CCND3: variants seen among roughly 807,000 people sequenced by gnomAD.
The protein encoded by CCND3 is cyclin D3, also known as G1/S-specific cyclin-D3.
In CCND3, 9 loss-of-function variants were observed where a neutral mutation model predicts 28.7. The ratio of observed to expected loss-of-function variants is 0.31; its 90% CI spans 0.19 to 0.55. The LOEUF (loss-of-function observed/expected upper bound fraction) is 0.55. Ranked by LOEUF, CCND3 falls within the 20% of genes least tolerant of loss-of-function variation. CCND3 has a pLI of 0.93. For synonymous variants in CCND3, 164 were observed against 163.9 expected, an observed-to-expected ratio of 1.00 and a Z score of 0.00; for missense variants, 315 against 385.8, an observed-to-expected ratio of 0.82 and a Z score of 1.54.
chr6:41,997,623 G>A (rs976726901), intron 1 of CCND3, among the ~76,000 whole-genome samples: 2 of 152,128 alleles, frequency 1.3e-5, no homozygotes, highest in African/African-American at 4.8e-5. Context: ...CAGGCACAGT[G>A]GCATATGCCT....
chr6:41,950,017 G>A (rs1290131255), intron 1 of CCND3, among the ~76,000 whole-genome samples: 1 of 150,982 alleles, frequency 6.6e-6, no homozygotes, highest in Non-Finnish European at 1.5e-5. Context: ...GTAGGAGAAT[G>A]GCGTGAACCC....
chr6:42,046,567 G>A (rs562538626), intron 1 of CCND3, among the ~76,000 whole-genome samples: 7 of 152,224 alleles, frequency 4.6e-5, no homozygotes, highest in Admixed American at 3.3e-4. Flanking sequence ...CATTCCTCCC[G>A]GTTTATTCAT....
chr6:42,049,650 C>A (rs1764671058), upstream of CCND3: 1 of 152,320 alleles, frequency 6.6e-6, no homozygotes, highest in African/African-American at 2.4e-5. Context: ...CCTAGACTTG[C>A]CTCGCAAATA....
chr6:41,998,349 A>ATTT (rs34342484), intron 1 of CCND3, among the ~76,000 whole-genome samples: 1 of 117,250 alleles, frequency 8.5e-6, no homozygotes, highest in Non-Finnish European at 1.7e-5. Flanking sequence ...ACAATATCCA[A>ATTT]TTTTTTTTTT....
At chr6:42,005,456 G>A (rs566893143) in intron 1 of CCND3, among the ~76,000 whole-genome samples, 22 of 140,364 alleles carry the variant, frequency 1.6e-4, no homozygotes, top group Admixed American at 4.7e-4. Flanking sequence ...CATGAGAATC[G>A]CTTAAACCTG....
At chr6:42,021,721 A>G (rs1468434160) in intron 1 of CCND3, among the ~76,000 whole-genome samples, 1 of 152,152 alleles carries the variant, frequency 6.6e-6, no homozygotes, top group Non-Finnish European at 1.5e-5. Flanking sequence ...GCACAAAGCA[A>G]TGGAAGCAGG....
In CCND3 at chr6:41,935,620, G is replaced by GT. The variant is rs1290199632; in HGVS notation, c.*319_*320insA. 1 of 470,760 alleles carries GT rather than the reference G, an allele frequency of 2.1e-6. No homozygotes were observed. Among genetic ancestry groups the GT allele is most frequent in the Non-Finnish European group, 3.8e-6 (1 of 263,310 alleles). 29.2% of individuals were successfully genotyped at this position (470,760 alleles called of 1,614,324 possible). On this transcript the variant is annotated 3_prime_UTR_variant, in exon 5 of 5. Transcript: ENST00000372991. ...AAAACATGAGAGCCCCCAGGGGTGG[G>GT]GGGGGGCGTTCAAAAGGAATGCTGG...
intron 1 of CCND3, among the ~76,000 whole-genome samples, chr6:41,962,513 A>C (rs1183782543): frequency 6.6e-6 from 1 of 152,174 alleles, no homozygotes; most frequent in Admixed American, 6.5e-5. Context: ...GCACTTTGCA[A>C]GGCCAAGACA....
At chr6:41,940,806 G>T in intron 1 of CCND3, 1 of 927,804 alleles carries the variant, frequency 1.1e-6, no homozygotes, top group Non-Finnish European at 1.8e-6. Flanking sequence ...TGACGGGGGA[G>T]TGGTAAAGCC....
chr6:42,004,095 T>TA (rs1491334548), intron 1 of CCND3, among the ~76,000 whole-genome samples: 3 of 137,964 alleles, frequency 2.2e-5, no homozygotes, highest in Admixed American at 7.2e-5. Flanking sequence ...TGTGTATGTA[T>TA]TTTTTTTTTT....
chr6:41,940,016 C>T (rs1279231878), intron 2 of CCND3, among the ~76,000 whole-genome samples: 3 of 152,152 alleles, frequency 2.0e-5, no homozygotes, highest in African/African-American at 7.2e-5. Context: ...TGCCCTTCTG[C>T]TGCCAATAAA....
At chr6:41,952,811 A>AGTGTGT (rs58133117) in intron 1 of CCND3, among the ~76,000 whole-genome samples, 38,452 of 150,676 alleles carry the variant, frequency 0.26, 5,188 homozygotes, top group African/African-American at 0.33. Context: ...AGTGAGTGTG[A>AGTGTGT]GTGTGTGTGT....
intron 1 of CCND3, among the ~76,000 whole-genome samples, chr6:41,959,693 C>T (rs763289328): frequency 1.6e-5 from 2 of 128,648 alleles, no homozygotes; most frequent in Non-Finnish European, 3.3e-5. Flanking sequence ...TCAGGCCAGG[C>T]GCGGTGGCTC....
At chr6:41,982,511 C>T (rs1181575118) in intron 1 of CCND3, among the ~76,000 whole-genome samples, 6 of 152,026 alleles carry the variant, frequency 3.9e-5, no homozygotes, top group East Asian at 3.8e-4. Flanking sequence ...CTTCCCAACC[C>T]GATTTAGAGA....
chr6:41,936,497 G>A lies in CCND3; in HGVS notation c.711+62C>T. On this transcript the variant is annotated intron_variant, in intron 4 of 4. Transcript: ENST00000372991. The surrounding 1 kb of genome is among the most constrained non-coding windows in gnomAD (Gnocchi z 4.4). ...GGGTTGGAGGTTTCCCTCTACTGGA[G>A]GCTCAGGGCATAGCACTACTTTATG... is the stretch of plus-strand genomic sequence containing the variant. The A allele has an allele frequency of 6.3e-7, 1 of 1,580,760 alleles. No homozygotes were observed. Among genetic ancestry groups the A allele is most frequent in the South Asian group, 1.1e-5 (1 of 88,632 alleles).
At chr6:41,964,715 T>C (rs1459888752) in intron 1 of CCND3, among the ~76,000 whole-genome samples, 1 of 152,156 alleles carries the variant, frequency 6.6e-6, no homozygotes, top group African/African-American at 2.4e-5. Flanking sequence ...GCAAGAGACC[T>C]GGACTTGTCC....
At chr6:42,017,134 C>T (rs1425907128) in intron 1 of CCND3, among the ~76,000 whole-genome samples, 1 of 152,150 alleles carries the variant, frequency 6.6e-6, no homozygotes, top group East Asian at 1.9e-4. Context: ...TGGCCCTCCC[C>T]CACACAGCAT....
chr6:42,038,477 C>T (rs1223104386), intron 1 of CCND3, among the ~76,000 whole-genome samples: 1 of 151,134 alleles, frequency 6.6e-6, no homozygotes, highest in African/African-American at 2.4e-5. Context: ...GAGGCAGGAG[C>T]TGCAGTGAGC....
At chr6:42,033,048 A>C (rs1456582832) in intron 1 of CCND3, among the ~76,000 whole-genome samples, 2 of 152,234 alleles carry the variant, frequency 1.3e-5, no homozygotes, top group African/African-American at 4.8e-5. Context: ...TGAAGTCATG[A>C]AGCTAATCAT....
Sources: allele counts gnomAD v4.1 joint callset (sites outside exome capture counted in the v4.1 genomes callset), GRCh38; gene constraint gnomAD v4.1.1; non-coding constraint Gnocchi (gnomAD v3.1); transcripts MANE v1.5; gene names NCBI Gene and HGNC (gene_info 2026-07-23, HGNC 2026-07-21).